ERC1: variants seen among roughly 807,000 people sequenced by gnomAD.
The protein encoded by ERC1 is RAB6 interacting protein 2.
In ERC1, 56 loss-of-function variants were observed where a neutral mutation model predicts 132.0. That is an observed-to-expected ratio of 0.42 (90% CI 0.34 to 0.53). ERC1 has a LOEUF of 0.53. ERC1 is among the 20% of genes least tolerant of loss of function. ERC1 has a pLI of 0.03. For missense variants in ERC1, 1,202 were observed against 1,349.9 expected, an observed-to-expected ratio of 0.89 and a Z score of 1.72; for synonymous variants, 478 against 476.1, an observed-to-expected ratio of 1.00 and a Z score of -0.05.
chr12:1,183,472 G>C, intron 11 of ERC1, 51 bp downstream of exon 11: 1 of 1,315,282 alleles, frequency 7.6e-7, no homozygotes, highest in South Asian at 1.6e-5. Context: ...TAAGAACATA[G>C]TAGATAACCT....
At chr12:1,335,126 G>C (rs1192607425) in intron 15 of ERC1, among the ~76,000 whole-genome samples, 1 of 152,062 alleles carries the variant, frequency 6.6e-6, no homozygotes, top group Non-Finnish European at 1.5e-5. Flanking sequence ...GAAGATTTTG[G>C]ACCAAGACGA....
At chr12:1,385,804 G>GAAGTAACTA (rs2089273037) in intron 16 of ERC1, 1 of 152,134 alleles carries the variant, frequency 6.6e-6, no homozygotes, top group South Asian at 2.1e-4. Context: ...GCTGTGCACT[G>GAAGTAACTA]AAGTAACTAT....
rs563998853 is a variant in ERC1, at chr12:1,465,291, T to TTCCGG, written c.3213+20549_3213+20553dup. Among the ~76,000 whole-genome samples, 680 of 152,350 alleles carry TTCCGG rather than the reference T, an allele frequency of 4.5e-3. 5 individuals are homozygous for TTCCGG. The highest frequency in any genetic ancestry group is 0.016 in the African/African-American group (661 of 41,584). ...ACTAGAAACTGTGGAAATGACAGTC[T>TTCCGG]TCCGGTCCGGTCAGAGCATCTGAAA... is the stretch of plus-strand genomic sequence containing the variant. On this transcript the variant is annotated intron_variant, in intron 18 of 18. Coordinates refer to ENST00000360905, the MANE Select transcript of ERC1 (RefSeq NM_178040.4).
At chr12:1,007,556 G>C (rs865804778) in intron 1 of ERC1, among the ~76,000 whole-genome samples, 192 of 96,316 alleles carry the variant, frequency 2.0e-3, no homozygotes, top group Admixed American at 0.017. Flanking sequence ...GTGTGTGTGT[G>C]TGTGTGTGTG....
At chr12:1,415,464 A>T (rs2092071337) in intron 17 of ERC1, among the ~76,000 whole-genome samples, 1 of 152,232 alleles carries the variant, frequency 6.6e-6, no homozygotes, top group African/African-American at 2.4e-5. Context: ...CTTTTAAGAC[A>T]AGTGTTGTAA....
Position 991,284 on chromosome 12 carries a change from T to TGCCC in ERC1, c.-194_-193insCCCG, listed in dbSNP as rs1959197333. 1 of 165,534 alleles carries TGCCC rather than the reference T, an allele frequency of 6.0e-6. No individual in the cohort carries two copies. Among genetic ancestry groups the TGCCC allele is most frequent in the Non-Finnish European group, 1.2e-5 (1 of 80,336 alleles). 10.3% of individuals were successfully genotyped at this position (165,534 alleles called of 1,614,324 possible). A position where few individuals can be genotyped will look rare whatever the true frequency, so the allele number is the denominator to read the frequency against. On this transcript the variant is annotated 5_prime_UTR_variant, in exon 1 of 19. Transcript: ENST00000360905. Reference sequence around the variant, plus strand: ...CGGTAGTGGCGGCGGCGGCGGTGCCTGGGCGGCAGCAGCAGCAGTAGCGGC... The same window carrying TGCCC: ...CGGTAGTGGCGGCGGCGGCGGTGCCTGCCCGGGCGGCAGCAGCAGCAGTAGCGGC...
At chr12:1,145,556 G>A (rs1950272914) in intron 8 of ERC1, among the ~76,000 whole-genome samples, 1 of 152,042 alleles carries the variant, frequency 6.6e-6, no homozygotes, top group Non-Finnish European at 1.5e-5. Flanking sequence ...TATTTCTTTT[G>A]CTGTGCAGAA....
At chr12:1,059,937 G>T (rs565188844) in intron 2 of ERC1, among the ~76,000 whole-genome samples, 1 of 152,284 alleles carries the variant, frequency 6.6e-6, no homozygotes, top group East Asian at 1.9e-4. Context: ...AAGTTTTGTA[G>T]AATTTAGCAT....
At chr12:1,476,052 A>C (rs2093966158) in intron 18 of ERC1, among the ~76,000 whole-genome samples, 1 of 151,964 alleles carries the variant, frequency 6.6e-6, no homozygotes, top group Non-Finnish European at 1.5e-5. Flanking sequence ...TCACACGGTC[A>C]GGAGATCGAG....
In ERC1 at chr12:1,307,895, T is replaced by G. The variant is rs186144381; in HGVS notation, c.2780+17883T>G. Among the ~76,000 whole-genome samples the G allele has an allele frequency of 1.4e-4, 21 of 152,322 alleles. No individual in the cohort carries two copies. In the East Asian group the frequency reaches 3.9e-3, roughly 28 times the overall value. On this transcript the variant is annotated intron_variant, in intron 15 of 18. Transcript: ENST00000360905. ...TAATAAAAAGTACCAAATGAAAATA[T>G]TATGGTATCTCATTGCACTCCATTG...
At chr12:1,069,834 T>A (rs181455870) in intron 2 of ERC1, among the ~76,000 whole-genome samples, 364 of 152,358 alleles carry the variant, frequency 2.4e-3, no homozygotes, top group South Asian at 6.0e-3. Context: ...TTACATTTTT[T>A]AATTAGGTTA....
At chr12:1,357,760 A>G (rs1161572285) in intron 15 of ERC1, among the ~76,000 whole-genome samples, 1 of 152,218 alleles carries the variant, frequency 6.6e-6, no homozygotes, top group Non-Finnish European at 1.5e-5. Flanking sequence ...AAAGGCCAAT[A>G]TAAATCTTTT....
intron 14 of ERC1, among the ~76,000 whole-genome samples, chr12:1,269,479 C>T (rs1283322900): frequency 6.6e-6 from 1 of 152,132 alleles, no homozygotes; most frequent in Non-Finnish European, 1.5e-5. Flanking sequence ...ACAGTGCAAG[C>T]TATGCAGGGC....
rs546543804 is a variant in ERC1, at chr12:1,291,973, C to A, written c.2780+1961C>A. 1.9e-4 allele frequency among the ~76,000 whole-genome samples: 29 copies of A among 152,076 alleles called. No homozygotes were observed. In the South Asian group the frequency reaches 3.3e-3, roughly 17 times the overall value. ...CTTTTTTATTCCACTTTTATGTTAG[C>A]GTTTTTCCCTTAAGAAAGAAAGGAT... is the stretch of plus-strand genomic sequence containing the variant. On this transcript the variant is annotated intron_variant, in intron 15 of 18. Coordinates refer to ENST00000360905, the MANE Select transcript of ERC1 (RefSeq NM_178040.4).
In ERC1 at chr12:1,100,147, C is replaced by T. The variant is rs769635239; in HGVS notation, c.1087-4603C>T. Among the ~76,000 whole-genome samples, 38 of 152,020 alleles carry T rather than the reference C, an allele frequency of 2.5e-4. 1 individual carries two copies. The highest frequency in any genetic ancestry group is 4.6e-4 in the Non-Finnish European group (31 of 68,008). On this transcript the variant is annotated intron_variant, in intron 3 of 18. Transcript: ENST00000360905. ...ACAGGCATGAACCACCGCTCCCAGC[C>T]GAGACTTTGACTTTTGAACAGACTT...
chr12:1,019,382 C>T (rs905093072), intron 1 of ERC1, among the ~76,000 whole-genome samples: 3 of 152,202 alleles, frequency 2.0e-5, no homozygotes, highest in Non-Finnish European at 4.4e-5. Context: ...GCCTCGGGTT[C>T]CCGAAGTGCT....
At chr12:1,383,630 T>TCA (rs911743129) in intron 16 of ERC1, among the ~76,000 whole-genome samples, 4 of 152,122 alleles carry the variant, frequency 2.6e-5, no homozygotes, top group South Asian at 4.2e-4. Context: ...CAAGACTCTG[T>TCA]CACACACACA....
chr12:1,112,351 C>A, intron 6 of ERC1, 53 bp downstream of exon 6: 3 of 1,294,434 alleles, frequency 2.3e-6, no homozygotes, highest in South Asian at 1.2e-5. Context: ...CAGTGGGACC[C>A]TGCTAGCTCT....
chr12:1,233,837 T>G (rs1307379084), intron 12 of ERC1, among the ~76,000 whole-genome samples: 1 of 152,180 alleles, frequency 6.6e-6, no homozygotes, highest in Non-Finnish European at 1.5e-5. Context: ...ATAAGCACAA[T>G]GTATGGGCGT....
Sources: allele counts gnomAD v4.1 joint callset (sites outside exome capture counted in the v4.1 genomes callset), GRCh38; gene constraint gnomAD v4.1.1; transcripts MANE v1.5; gene names NCBI Gene and HGNC (gene_info 2026-07-23, HGNC 2026-07-21).